PAPPA: variants seen among roughly 807,000 people sequenced by gnomAD.
PAPPA encodes pappalysin-1.
Under a neutral mutation model 164.0 loss-of-function variants are expected in PAPPA, and 60 were observed. The ratio of observed to expected loss-of-function variants is 0.37; its 90% CI spans 0.30 to 0.45. PAPPA has a LOEUF of 0.45. PAPPA is among the 20% of genes least tolerant of loss of function. The pLI, the probability that PAPPA is intolerant of heterozygous loss-of-function variation, is 1.00. For synonymous variants in PAPPA, 875 were observed against 814.1 expected, an observed-to-expected ratio of 1.07 and a Z score of -1.27; for missense variants, 1,782 against 2,087.3, an observed-to-expected ratio of 0.85 and a Z score of 2.85.
chr9:116,257,391 C>A (rs1017736470), intron 7 of PAPPA, among the ~76,000 whole-genome samples: 1 of 151,906 alleles, frequency 6.6e-6, no homozygotes, highest in Non-Finnish European at 1.5e-5. Flanking sequence ...TCCTACCTAG[C>A]GCAGCTGGAC....
At chr9:116,261,525 A>G (rs924216995) in intron 7 of PAPPA, among the ~76,000 whole-genome samples, 6 of 152,224 alleles carry the variant, frequency 3.9e-5, no homozygotes, top group Admixed American at 1.3e-4. Context: ...GCAAAATCAC[A>G]TGACTTGTCT....
intron 13 of PAPPA, among the ~76,000 whole-genome samples, chr9:116,337,915 G>A (rs1440911477): frequency 6.6e-6 from 1 of 152,126 alleles, no homozygotes; most frequent in East Asian, 1.9e-4. Flanking sequence ...GGTTTCAAAG[G>A]AGAGGTCCAG....
chr9:116,358,159 C>T (rs1044965403), intron 17 of PAPPA, among the ~76,000 whole-genome samples: 3 of 152,122 alleles, frequency 2.0e-5, no homozygotes, highest in African/African-American at 4.8e-5. Flanking sequence ...ACCTCAGAGA[C>T]CCCCACTGTA....
chr9:116,353,171 T>C (rs918536348), intron 16 of PAPPA, among the ~76,000 whole-genome samples: 1 of 150,302 alleles, frequency 6.7e-6, no homozygotes, highest in South Asian at 2.1e-4. Flanking sequence ...CTGCACTTCA[T>C]TTTTTTTTTA....
In PAPPA at chr9:116,271,305, CT is replaced by C. The variant is rs376493034; in HGVS notation, c.2862-18del. On this transcript the variant is annotated intron_variant, in intron 8 of 21. Coordinates refer to ENST00000328252, the MANE Select transcript of PAPPA (RefSeq NM_002581.5). The surrounding 1 kb of genome is among the most constrained non-coding windows in gnomAD (Gnocchi z 4.2). ...TTTAAGACTAAATTGGCAAATTTCT[CT>C]TCCATATCTGCTCTGCAGAGACCAA... 6.2e-4 allele frequency: 996 copies of C among 1,596,270 alleles called. 3 individuals are homozygous for C. In the African/African-American group the frequency reaches 0.012, roughly 19 times the overall value.
intron 17 of PAPPA, among the ~76,000 whole-genome samples, chr9:116,360,002 T>A (rs1846403384): frequency 6.6e-6 from 1 of 152,236 alleles, no homozygotes; most frequent in South Asian, 2.1e-4. Context: ...ACCAGTGCTT[T>A]ATGCTCCCAC....
In PAPPA at chr9:116,352,693, C is replaced by G. The variant is rs956845329; in HGVS notation, c.3965-13C>G. On this transcript the variant is annotated splice_polypyrimidine_tract_variant and intron_variant, in intron 15 of 21. Coordinates refer to ENST00000328252, the MANE Select transcript of PAPPA (RefSeq NM_002581.5). ...TCCTCCCTCCTCTAACCCTGCTTGC[C>G]TATGTCTTCCAGGCAACAACAGCCT... The G allele has an allele frequency of 6.2e-7, 1 of 1,609,648 alleles. No homozygotes were observed. The highest frequency in any genetic ancestry group is 8.5e-7 in the Non-Finnish European group (1 of 1,177,508).
chr9:116,356,878 T>C (rs1554754866), intron 17 of PAPPA, among the ~76,000 whole-genome samples: 1 of 152,170 alleles, frequency 6.6e-6, no homozygotes, highest in Non-Finnish European at 1.5e-5. Flanking sequence ...GTTTGATAGG[T>C]GCAGCAAACC....
intron 14 of PAPPA, 23 bp downstream of exon 14, chr9:116,344,734 G>A: frequency 1.9e-6 from 3 of 1,600,572 alleles, no homozygotes; most frequent in South Asian, 1.1e-5. Flanking sequence ...GCTGAGCTCA[G>A]AGCCTCTCTG....
At position 116,302,829 on chromosome 9, in the gene PAPPA, A is replaced by G; in HGVS notation, c.3026A>G (p.Lys1009Arg). The G allele has an allele frequency of 6.2e-7, 1 of 1,614,068 alleles. No individual in the cohort carries two copies. Reference protein sequence around the residue: ...CEEFEQKTSIKDCGVYTPQGF... With the variant: ...CEEFEQKTSIRDCGVYTPQGF... ...GAGTTTGAACAAAAAACCAGCATTA[A>G]GGACTGTGGTGTCTACACGCCCCAG... Residue 1009 changes from lysine (K) to arginine (R), a missense_variant, in exon 10 of 22, where the codon AAG becomes AGG. Transcript: ENST00000328252.
chr9:116,282,432 A>C (rs1446887839), intron 9 of PAPPA, among the ~76,000 whole-genome samples: 2 of 152,190 alleles, frequency 1.3e-5, no homozygotes, highest in African/African-American at 2.4e-5. Context: ...CCCTTTTTCC[A>C]TCTCACCATC....
chr9:116,247,086 T>A (rs1844805867), intron 7 of PAPPA, among the ~76,000 whole-genome samples: 1 of 152,008 alleles, frequency 6.6e-6, no homozygotes, highest in Admixed American at 6.6e-5. Context: ...AGATGATGGG[T>A]CTTGATCATC....
At chr9:116,233,591 G>C (rs545969085) in intron 6 of PAPPA, among the ~76,000 whole-genome samples, 42 of 152,274 alleles carry the variant, frequency 2.8e-4, no homozygotes, top group African/African-American at 1.0e-3. Context: ...TTATATCTAA[G>C]AAGCCTCTGT....
At chr9:116,288,757 C>G (rs115837817) in intron 9 of PAPPA, 1 of 152,054 alleles carries the variant, frequency 6.6e-6, no homozygotes, top group Non-Finnish European at 1.5e-5. Context: ...ATAGAAGACA[C>G]TGTGGCTTGA....
intron 1 of PAPPA, among the ~76,000 whole-genome samples, chr9:116,161,524 A>G (rs1283898026): frequency 1.3e-5 from 2 of 152,210 alleles, no homozygotes; most frequent in African/African-American, 4.8e-5. Context: ...ATGTTCCTCC[A>G]TTACAAAGAG....
At chr9:116,219,874 ACT>A (rs1844420812) in intron 4 of PAPPA, 61 bp from the exon 5 acceptor site, 5 of 1,373,122 alleles carry the variant, frequency 3.6e-6, no homozygotes, top group East Asian at 2.3e-5. Flanking sequence ...AGCCGTCATT[ACT>A]CTCTCATATG....
At chr9:116,268,902 A>C (rs2118820931) in intron 8 of PAPPA, among the ~76,000 whole-genome samples, 1 of 152,182 alleles carries the variant, frequency 6.6e-6, no homozygotes, top group East Asian at 1.9e-4. Flanking sequence ...CATCTTAGCT[A>C]ATACGATTTT....
chr9:116,167,633 G>T (rs1843732026), intron 1 of PAPPA, among the ~76,000 whole-genome samples: 1 of 152,168 alleles, frequency 6.6e-6, no homozygotes, highest in African/African-American at 2.4e-5. Context: ...TTGGAATTAT[G>T]TGGGTGACCA....
rs1845395359 is a variant in PAPPA, at chr9:116,289,253, TGTAGC to T, written c.2954-13503_2954-13499del. On this transcript the variant is annotated intron_variant, in intron 9 of 21. Coordinates refer to ENST00000328252, the MANE Select transcript of PAPPA (RefSeq NM_002581.5). ...ATATAGCATATATATATAGCATATA[TGTAGC>T]ATATATATATAGCATATATATAGCA... is the stretch of plus-strand genomic sequence containing the variant. 4.8e-4 allele frequency among the ~76,000 whole-genome samples: 36 copies of T among 74,824 alleles called. 7 individuals are homozygous for T. Among genetic ancestry groups the T allele is most frequent in the South Asian group, 1.4e-3 (3 of 2,126 alleles). The allele number at this position is 74,824 out of a possible 152,430, so 49.1% of individuals were successfully genotyped here. A position where few individuals can be genotyped will look rare whatever the true frequency, so the allele number is the denominator to read the frequency against.
Sources: allele counts gnomAD v4.1 joint callset (sites outside exome capture counted in the v4.1 genomes callset), GRCh38; gene constraint gnomAD v4.1.1; non-coding constraint Gnocchi (gnomAD v3.1); transcripts MANE v1.5; gene names NCBI Gene and HGNC (gene_info 2026-07-23, HGNC 2026-07-21).